ZNF410: variants seen among roughly 807,000 people sequenced by gnomAD.
The protein encoded by ZNF410 is zinc finger protein 410.
A neutral mutation model predicts 54.8 loss-of-function variants in ZNF410; 18 were observed. That is an observed-to-expected ratio of 0.33 (90% CI 0.23 to 0.49). The LOEUF is 0.49. Among genes scored for constraint, ZNF410 ranks in the 20% least tolerant of loss-of-function variants. The pLI is 0.99. For synonymous variants in ZNF410, 191 were observed against 207.3 expected, an observed-to-expected ratio of 0.92 and a Z score of 0.68; for missense variants, 405 against 569.6, an observed-to-expected ratio of 0.71 and a Z score of 2.94.
At chr14:73,909,917 T>C (rs2055551496) in intron 8 of ZNF410, among the ~76,000 whole-genome samples, 1 of 152,206 alleles carries the variant, frequency 6.6e-6, no homozygotes, top group Admixed American at 6.5e-5. Context: ...AACCTTATCA[T>C]TGCAGATGTG....
chr14:73,918,698 T>TC (rs2055707394), intron 8 of ZNF410, among the ~76,000 whole-genome samples: 1 of 129,916 alleles, frequency 7.7e-6, no homozygotes, highest in African/African-American at 2.9e-5. Context: ...TTTTTTTTTT[T>TC]TTTTTTTTTT....
At chr14:73,911,364 G>T (rs1024952754) in intron 8 of ZNF410, among the ~76,000 whole-genome samples, 3 of 152,120 alleles carry the variant, frequency 2.0e-5, no homozygotes, top group African/African-American at 7.2e-5. Flanking sequence ...TGGAGAGGAG[G>T]AACTGGAAAG....
chr14:73,898,550 T>G, intron 5 of ZNF410: 2 of 498,730 alleles, frequency 4.0e-6, no homozygotes, highest in Non-Finnish European at 7.0e-6. Context: ...TATTGTAATG[T>G]CTCTTAAATA....
chr14:73,895,961 C>T (rs1220955737), intron 3 of ZNF410, among the ~76,000 whole-genome samples: 2 of 152,120 alleles, frequency 1.3e-5, no homozygotes, highest in African/African-American at 4.8e-5. Context: ...AAATGTAGAT[C>T]CTATTCTTGA....
At chr14:73,905,968 C>CACATAT (rs1461702433) in intron 7 of ZNF410, among the ~76,000 whole-genome samples, 230 of 78,856 alleles carry the variant, frequency 2.9e-3, no homozygotes, top group African/African-American at 6.4e-3. Flanking sequence ...CACACACACA[C>CACATAT]ATATATATAT....
intron 9 of ZNF410, 27 bp from the exon 10 acceptor site, chr14:73,922,039 G>C: frequency 6.2e-7 from 1 of 1,612,012 alleles, no homozygotes; most frequent in Non-Finnish European, 8.5e-7. Flanking sequence ...ATTGCTGTAT[G>C]TCTCTCACAA....
Position 73,923,279 on chromosome 14 carries a change from G to A in ZNF410, c.1271-116G>A, listed in dbSNP as rs2302119. On this transcript the variant is annotated intron_variant, in intron 10 of 11. Coordinates refer to ENST00000555044, the MANE Select transcript of ZNF410 (RefSeq NM_021188.3). The stretch of plus-strand genomic sequence containing the variant: ...ACAGGATTAACTTGGAAGAAATAGA[G>A]GAATGTGGGAAATAGAGGAATAGAG... The A allele has an allele frequency of 5.1e-6, 6 of 1,173,384 alleles. No individual in the cohort carries two copies. The East Asian group carries it at 1.6e-4, about 32-fold the overall frequency. 72.7% of individuals were successfully genotyped at this position (1,173,384 alleles called of 1,614,324 possible).
chr14:73,924,011 A>G (rs1328457153), intron 11 of ZNF410, among the ~76,000 whole-genome samples: 6 of 152,202 alleles, frequency 3.9e-5, no homozygotes, highest in African/African-American at 1.4e-4. Context: ...AAAAGGTAGT[A>G]ACAAAATCAT....
intron 5 of ZNF410, among the ~76,000 whole-genome samples, chr14:73,899,556 C>A (rs1475248240): frequency 6.6e-6 from 1 of 152,158 alleles, no homozygotes; most frequent in Non-Finnish European, 1.5e-5. Context: ...ATGCTGAAAC[C>A]TTCAGCATTT....
At chr14:73,915,088 C>T (rs1488097195) in intron 8 of ZNF410, among the ~76,000 whole-genome samples, 9 of 150,880 alleles carry the variant, frequency 6.0e-5, no homozygotes, top group Non-Finnish European at 8.8e-5. Flanking sequence ...CGTGGTGAAA[C>T]CCCATCTCTA....
chr14:73,917,366 G>A (rs936764616), intron 8 of ZNF410, among the ~76,000 whole-genome samples: 5 of 151,972 alleles, frequency 3.3e-5, no homozygotes, highest in African/African-American at 9.7e-5. Context: ...TTGATTATAG[G>A]TGTGTCTCTT....
intron 5 of ZNF410, among the ~76,000 whole-genome samples, chr14:73,900,160 T>C (rs1594749630): frequency 1.3e-5 from 2 of 149,286 alleles, no homozygotes; most frequent in Non-Finnish European, 3.0e-5. Flanking sequence ...ACCACTGCAC[T>C]CCAGCCTGGG....
At chr14:73,905,898 C>T (rs1253911002) in intron 7 of ZNF410, among the ~76,000 whole-genome samples, 1 of 148,932 alleles carries the variant, frequency 6.7e-6, no homozygotes, top group East Asian at 2.0e-4. Context: ...CATATATATA[C>T]ATACATATAT....
intron 11 of ZNF410, chr14:73,927,850 A>ATTTTTTTTTTTTTTTTTTTTTTTTTT (rs769693607): frequency 1.5e-5 from 2 of 135,246 alleles, no homozygotes; most frequent in Admixed American, 7.3e-5. Context: ...TTTTTTTTTA[A>ATTTTTTTTTTTTTTTTTTTTTTTTTT]TTTTTTAGAC....
intron 7 of ZNF410, 118 bp from the exon 8 acceptor site, chr14:73,909,223 A>C (rs1435191033): frequency 1.2e-6 from 1 of 820,014 alleles, no homozygotes. Context: ...TTATAACATG[A>C]ATTAAATAAA....
At chr14:73,924,022 T>C (rs1375198471) in intron 11 of ZNF410, among the ~76,000 whole-genome samples, 1 of 152,170 alleles carries the variant, frequency 6.6e-6, no homozygotes, top group Admixed American at 6.5e-5. Flanking sequence ...ACAAAATCAT[T>C]AAACATAATT....
rs1269359469 is a variant in ZNF410, at chr14:73,931,624, A to C, written c.*83A>C. Reference sequence around the variant, plus strand: ...GGAACAGGATGCCTTAGCCCACAACAGAACCAGAATGAATCTTTGAAGGCA... The same window carrying C: ...GGAACAGGATGCCTTAGCCCACAACCGAACCAGAATGAATCTTTGAAGGCA... On this transcript the variant is annotated 3_prime_UTR_variant, in exon 12 of 12. Coordinates refer to ENST00000555044, the MANE Select transcript of ZNF410 (RefSeq NM_021188.3). 7.7e-7 allele frequency: 1 copy of C among 1,290,892 alleles called. No homozygotes were observed. The highest frequency in any genetic ancestry group is 1.1e-6 in the Non-Finnish European group (1 of 901,102). 80.0% of individuals were successfully genotyped at this position (1,290,892 alleles called of 1,614,324 possible). A position where few individuals can be genotyped will look rare whatever the true frequency, so the allele number is the denominator to read the frequency against.
At chr14:73,927,832 A>ATTTTTT in intron 11 of ZNF410, 2 of 142,976 alleles carry the variant, frequency 1.4e-5, no homozygotes, top group South Asian at 4.5e-4. Flanking sequence ...TCAACCGGCA[A>ATTTTTT]TTTTTTTTTT....
At chr14:73,903,644 CCTGT>C (rs2055440101) in intron 5 of ZNF410, 5 of 289,824 alleles carry the variant, frequency 1.7e-5, no homozygotes, top group East Asian at 7.7e-5. Flanking sequence ...CGCCACCATG[CCTGT>C]CTAATTTTTG....
Sources: gnomAD v4.1 joint callset for allele counts (sites outside exome capture counted in the v4.1 genomes callset) on GRCh38, gnomAD v4.1.1 for gene constraint, MANE v1.5 for transcripts, NCBI Gene and HGNC (gene_info 2026-07-23, HGNC 2026-07-21) for gene names.